Variants in SCN1A observed in about 807,000 individuals in gnomAD.
SCN1A encodes the protein sodium voltage-gated channel alpha subunit 1, also known as sodium channel protein type 1 subunit alpha.
SCN1A carries 13 observed loss-of-function variants against 193.7 expected under a neutral mutation model. The observed-to-expected ratio is 0.07, with a 90% CI of 0.04 to 0.11. The LOEUF (loss-of-function observed/expected upper bound fraction) is 0.11, where lower values mean the gene tolerates loss of function less well. Among genes scored for constraint, SCN1A ranks in the 10% least tolerant of loss-of-function variants. SCN1A has a pLI of 1.00. For missense variants in SCN1A, 1,432 were observed against 2,451.1 expected (o/e 0.58, Z 8.78); for synonymous variants, 781 against 843.6 (o/e 0.93, Z 1.29).
chr2:166,147,407 A>T (rs1408788707), intron 1 of SCN1A, among the ~76,000 whole-genome samples: 1 of 152,188 alleles, frequency 6.6e-6, no homozygotes, highest in Non-Finnish European at 1.5e-5. Context: ...AAAATGAAAA[A>T]ATTAATATAT....
rs1159756028 is a variant in SCN1A at position 165,999,913 on chromosome 2, T to G, written c.4285-137A>C. On this transcript the variant is annotated intron_variant, in intron 24 of 28. Coordinates refer to ENST00000674923, the MANE Select transcript of SCN1A (RefSeq NM_001165963.4). ...TTTCAAAACAAATTTTACACAGATTTTGGACCAAGACAGTATTTTAGTATG... is the reference window on the plus strand; with the variant it reads ...TTTCAAAACAAATTTTACACAGATTGTGGACCAAGACAGTATTTTAGTATG... 4 of 754,634 alleles carry G rather than the reference T, an allele frequency of 5.3e-6. No individual in the cohort carries two copies. The East Asian group carries it at 1.1e-4, about 20-fold the overall frequency. 46.7% of individuals were successfully genotyped at this position (754,634 alleles called of 1,614,324 possible). A position where few individuals can be genotyped will look rare whatever the true frequency, so the allele number is the denominator to read the frequency against.
intron 19 of SCN1A, among the ~76,000 whole-genome samples, chr2:166,019,310 A>T (rs1163368583): frequency 6.6e-6 from 1 of 152,188 alleles, no homozygotes; most frequent in Non-Finnish European, 1.5e-5. Context: ...GATCTTCTAC[A>T]TGTTTACAAA....
Position 166,037,921 on chromosome 2 carries a change from A to T in SCN1A, c.2801T>A (p.Met934Lys). The T allele has an allele frequency of 6.2e-7, 1 of 1,614,184 alleles. No individual in the cohort carries two copies. Among genetic ancestry groups the T allele is most frequent in the Non-Finnish European group, 8.5e-7 (1 of 1,180,022 alleles). ...CAGGAAGGAGTGGAAGAAGTCATTC[A>T]TGTGCCAGCGTGGGAGTTGACAATC... ...ASDCQLPRWHMNDFFHSFLIV... is the reference protein window; with the variant it reads ...ASDCQLPRWHKNDFFHSFLIV... Residue 934 changes from methionine (M) to lysine (K), a missense_variant, in exon 18 of 29, where the codon ATG (methionine) becomes AAG (lysine). By Grantham distance (95) the Met-to-Lys change is moderately conservative. This residue lies in a region of SCN1A where 93 missense variants were observed against 260.4 expected (regional missense o/e 0.36). Coordinates refer to ENST00000674923, the MANE Select transcript of SCN1A (RefSeq NM_001165963.4).
chr2:166,018,086 G>T (rs1423765044), intron 19 of SCN1A, among the ~76,000 whole-genome samples: 1 of 151,862 alleles, frequency 6.6e-6, no homozygotes, highest in Non-Finnish European at 1.5e-5. Flanking sequence ...CATAAAAATT[G>T]TTCTTCCTTG....
chr2:166,121,030 A>G (rs1307268036), intron 2 of SCN1A, among the ~76,000 whole-genome samples: 1 of 151,962 alleles, frequency 6.6e-6, no homozygotes, highest in African/African-American at 2.4e-5. Flanking sequence ...CTCTTAACTA[A>G]AAGGATCAGA....
At chr2:166,005,489 CA>C (rs1691535048) in intron 23 of SCN1A, among the ~76,000 whole-genome samples, 1 of 151,252 alleles carries the variant, frequency 6.6e-6, no homozygotes, top group Admixed American at 6.6e-5. Flanking sequence ...CAGTGCACTT[CA>C]GGATATGATT....
At position 165,987,578 on chromosome 2, in the gene SCN1A, G is replaced by A. The variant is rs913172651; in HGVS notation, c.*3667C>T. Reference sequence around the variant, plus strand: ...TTTCCTTATTTACTTACATCAGTATGTATTTGCTGATTCTTATTCAATGAA... The same window carrying A: ...TTTCCTTATTTACTTACATCAGTATATATTTGCTGATTCTTATTCAATGAA... On this transcript the variant is annotated 3_prime_UTR_variant, in exon 29 of 29. Coordinates refer to ENST00000674923, the MANE Select transcript of SCN1A (RefSeq NM_001165963.4). The A allele has an allele frequency of 6.6e-6, 1 of 152,104 alleles. No homozygotes were observed. Among genetic ancestry groups the A allele is most frequent in the African/African-American group, 2.4e-5 (1 of 41,440 alleles). The allele number at this position is 152,104 out of a possible 1,614,324, so 9.4% of individuals were successfully genotyped here. A position where few individuals can be genotyped will look rare whatever the true frequency, so the allele number is the denominator to read the frequency against.
Position 166,045,133 on chromosome 2 carries a change from T to C in SCN1A, c.1572A>G (p.Glu524=). The change falls in exon 13 of 29, where the codon GAA becomes GAG. Residue 524 remains glutamate, a synonymous_variant. Coordinates refer to ENST00000674923, the MANE Select transcript of SCN1A (RefSeq NM_001165963.4). The part of the protein sequence containing the change: ...EKDEDEFQKS[E]SEDSIRRKGF... ...CTTTCCTCCTGATGCTGTCCTCAGATTCAGATTTTTGGAATTCATCCTCAT... is the reference window on the plus strand; with the variant it reads ...CTTTCCTCCTGATGCTGTCCTCAGACTCAGATTTTTGGAATTCATCCTCAT... 1 of 1,614,140 alleles carries C rather than the reference T, an allele frequency of 6.2e-7. No homozygotes were observed. Among genetic ancestry groups the C allele is most frequent in the Non-Finnish European group, 8.5e-7 (1 of 1,179,992 alleles).
chr2:166,142,915 T>G (rs1692150320), intron 1 of SCN1A, among the ~76,000 whole-genome samples: 1 of 152,242 alleles, frequency 6.6e-6, no homozygotes, highest in Admixed American at 6.5e-5. Context: ...CCTGCAGCCA[T>G]GTAAGGCGTG....
At chr2:166,018,829 T>G (rs1166646389) in intron 19 of SCN1A, among the ~76,000 whole-genome samples, 1 of 152,134 alleles carries the variant, frequency 6.6e-6, no homozygotes, top group Non-Finnish European at 1.5e-5. Context: ...CTACTAATTT[T>G]AAGTACATGA....
intron 2 of SCN1A, among the ~76,000 whole-genome samples, chr2:166,118,025 C>T (rs1690067203): frequency 6.7e-6 from 1 of 150,356 alleles, no homozygotes; most frequent in Non-Finnish European, 1.5e-5. Flanking sequence ...AGACTATGAA[C>T]ATTCTGAGAA....
At position 166,145,551 on chromosome 2, in the gene SCN1A, C is replaced by T. The variant is rs114876973; in HGVS notation, c.-50+3496G>A. 3.7e-3 allele frequency among the ~76,000 whole-genome samples: 511 copies of T among 139,038 alleles called. 1 individual carries two copies. The highest frequency in any genetic ancestry group is 4.8e-3 in the Non-Finnish European group (303 of 63,780). The allele number at this position is 139,038 out of a possible 152,430, so 91.2% of individuals were successfully genotyped here. ...ATTTGTGTGTGTGTGTGTGTGTAGG[C>T]GCACATGCATGTGTGTGAGGCTTGT... On this transcript the variant is annotated intron_variant, in intron 1 of 26. Transcript: ENST00000635750.
chr2:166,016,064 G>A lies in SCN1A; in HGVS notation c.3430-337C>T. The A allele has an allele frequency of 1.0e-5, 3 of 292,922 alleles. No individual in the cohort carries two copies. The South Asian group carries it at 1.1e-4, about 11-fold the overall frequency. 18.1% of individuals were successfully genotyped at this position (292,922 alleles called of 1,614,324 possible). On this transcript the variant is annotated intron_variant, in intron 19 of 28. Coordinates refer to ENST00000674923, the MANE Select transcript of SCN1A (RefSeq NM_001165963.4). Reference sequence around the variant, plus strand: ...AGGGAGGAAGAGAAAGGGAAAAGGAGCAGGAGAGAAAGAGAAAGCTTACCT... The same window carrying A: ...AGGGAGGAAGAGAAAGGGAAAAGGAACAGGAGAGAAAGAGAAAGCTTACCT...
At chr2:166,089,083 T>C (rs1686472598) in intron 2 of SCN1A, among the ~76,000 whole-genome samples, 1 of 152,192 alleles carries the variant, frequency 6.6e-6, no homozygotes, top group Non-Finnish European at 1.5e-5. Flanking sequence ...GTTTGTTACA[T>C]AGGTATACAC....
In SCN1A at chr2:165,992,267, A is replaced by G. The variant is rs1689333436; in HGVS notation, c.5008T>C (p.Leu1670=). The G allele has an allele frequency of 1.2e-6, 2 of 1,613,746 alleles. No homozygotes were observed. Among genetic ancestry groups the G allele is most frequent in the Admixed American group, 1.7e-5 (1 of 59,936 alleles). Reference sequence around the variant, plus strand: ...AAGAGTAGGAGGCCGATGTTAAACAACGCAGGAAGGGACATCATCAAAGCA... The same window carrying G: ...AAGAGTAGGAGGCCGATGTTAAACAGCGCAGGAAGGGACATCATCAAAGCA... ...LFALMMSLPA[L]FNIGLLLFLV... The change falls in exon 29 of 29, where the codon TTG becomes CTG. Residue 1670 remains leucine, a synonymous_variant. Transcript: ENST00000674923. The surrounding 1 kb of genome is among the most constrained non-coding windows in gnomAD (Gnocchi z 6.5).
chr2:166,042,243 T>C, intron 15 of SCN1A, 49 bp downstream of exon 15: 1 of 1,576,600 alleles, frequency 6.3e-7, no homozygotes, highest in South Asian at 1.1e-5. Context: ...AATGAGACAA[T>C]ATAAGTTTGG....
chr2:166,047,609 TG>T lies in SCN1A; in HGVS notation c.1170+17del. The T allele has an allele frequency of 6.2e-7, 1 of 1,613,048 alleles. No individual in the cohort carries two copies. Among genetic ancestry groups the T allele is most frequent in the Non-Finnish European group, 8.5e-7 (1 of 1,179,148 alleles). On this transcript the variant is annotated intron_variant, in intron 11 of 28. Transcript: ENST00000674923. ...TATACTTTTACTTAAATGGAGAGTG[TG>T]GCTCTTTAGTTCTCACCAGTTGATA...
At chr2:166,087,632 A>G (rs1332499515) in intron 2 of SCN1A, among the ~76,000 whole-genome samples, 1 of 152,144 alleles carries the variant, frequency 6.6e-6, no homozygotes, top group African/African-American at 2.4e-5. Context: ...TACAGTCTGA[A>G]GAACCATAAG....
At chr2:166,002,794 T>C (rs1691111771) in intron 23 of SCN1A, 41 bp from the exon 24 acceptor site, 2 of 1,566,404 alleles carry the variant, frequency 1.3e-6, no homozygotes, top group Non-Finnish European at 1.7e-6. Flanking sequence ...AGAATTCTTA[T>C]CTGTTAATAA....
Sources: gnomAD v4.1 joint callset for allele counts (sites outside exome capture counted in the v4.1 genomes callset) on GRCh38, gnomAD v4.1.1 for gene constraint, gnomAD v4.1.1 regional missense constraint, Gnocchi (gnomAD v3.1) non-coding constraint, MANE v1.5 for transcripts, NCBI Gene and HGNC (gene_info 2026-07-23, HGNC 2026-07-21) for gene names.